TBC1D5: variants seen among roughly 807,000 people sequenced by gnomAD.
TBC1D5 encodes TBC1 domain family, member 5.
A neutral mutation model predicts 100.3 loss-of-function variants in TBC1D5; 75 were observed. The observed-to-expected ratio is 0.75, with a 90% CI of 0.62 to 0.91. The LOEUF (loss-of-function observed/expected upper bound fraction) is 0.91. Ranked by LOEUF, TBC1D5 falls within the 40% of genes least tolerant of loss-of-function variation. TBC1D5 has a pLI of 0.00. For missense variants in TBC1D5, 910 were observed against 942.4 expected (o/e 0.97, Z 0.45); for synonymous variants, 323 against 325.6 (o/e 0.99, Z 0.09).
rs150555666 is a variant in TBC1D5, at chr3:17,301,472, C to T, written c.1138+6520G>A. On this transcript the variant is annotated intron_variant, in intron 14 of 21. Transcript: ENST00000253692. ...CCACCCCTCCAAGGTCTCTATGGTACGTTCTGGCCTGGCATTACCCCAAGT... is the reference window on the plus strand; with the variant it reads ...CCACCCCTCCAAGGTCTCTATGGTATGTTCTGGCCTGGCATTACCCCAAGT... Among the ~76,000 whole-genome samples, 561 of 152,270 alleles carry T rather than the reference C, an allele frequency of 3.7e-3. 6 individuals carry two copies. Among genetic ancestry groups the T allele is most frequent in the African/African-American group, 0.012 (515 of 41,548 alleles).
intron 18 of TBC1D5, among the ~76,000 whole-genome samples, chr3:17,211,074 C>G (rs1406360379): frequency 1.3e-5 from 2 of 151,888 alleles, no homozygotes; most frequent in African/African-American, 4.8e-5. Context: ...TTGCTTTTTT[C>G]TGTTTTTGTC....
chr3:17,324,662 A>G (rs1480867245), intron 13 of TBC1D5, among the ~76,000 whole-genome samples: 2 of 152,152 alleles, frequency 1.3e-5, no homozygotes, highest in African/African-American at 4.8e-5. Flanking sequence ...ATGAAAATGA[A>G]AATACAAGCA....
At chr3:17,543,703 T>C (rs2096383084) in intron 2 of TBC1D5, among the ~76,000 whole-genome samples, 2 of 152,062 alleles carry the variant, frequency 1.3e-5, no homozygotes, top group South Asian at 4.1e-4. Flanking sequence ...TCTATAATTA[T>C]TTAAAGCAAT....
intron 1 of TBC1D5, among the ~76,000 whole-genome samples, chr3:17,686,978 T>C (rs1427982321): frequency 1.3e-5 from 2 of 152,126 alleles, no homozygotes; most frequent in East Asian, 1.9e-4. Flanking sequence ...TACAAAATAA[T>C]ATATATTTGG....
At chr3:17,590,650 C>T (rs533286484) in intron 2 of TBC1D5, among the ~76,000 whole-genome samples, 18 of 152,226 alleles carry the variant, frequency 1.2e-4, no homozygotes, top group Admixed American at 9.2e-4. Flanking sequence ...CAGTGGGAAC[C>T]GCAGTCACTC....
At chr3:17,594,830 T>C (rs181804753) in intron 2 of TBC1D5, among the ~76,000 whole-genome samples, 20 of 152,194 alleles carry the variant, frequency 1.3e-4, no homozygotes, top group Admixed American at 1.0e-3. Flanking sequence ...TGGGTTCCAA[T>C]TGACAAGGGG....
At chr3:17,725,478 A>C (rs1365742853) in intron 1 of TBC1D5, among the ~76,000 whole-genome samples, 1 of 151,586 alleles carries the variant, frequency 6.6e-6, no homozygotes, top group Non-Finnish European at 1.5e-5. Flanking sequence ...GTTCGCTCAT[A>C]CTCTACAGGC....
chr3:17,175,018 A>G (rs2067568333), intron 19 of TBC1D5, among the ~76,000 whole-genome samples: 1 of 152,224 alleles, frequency 6.6e-6, no homozygotes, highest in African/African-American at 2.4e-5. Context: ...TATTTCCCAG[A>G]TGAAGATTTA....
At chr3:17,732,720 A>AAATAAATAAATAAATAAATAAAT (rs1690942480) in intron 1 of TBC1D5, among the ~76,000 whole-genome samples, 12 of 144,876 alleles carry the variant, frequency 8.3e-5, no homozygotes, top group South Asian at 2.2e-4. Flanking sequence ...CCGTCTCAAA[A>AAATAAATAAATAAATAAATAAAT]AAATAAATAA....
At chr3:17,678,893 C>CA (rs2069060290) in intron 1 of TBC1D5, among the ~76,000 whole-genome samples, 1 of 149,368 alleles carries the variant, frequency 6.7e-6, no homozygotes, top group Admixed American at 6.7e-5. Context: ...AAGTGGTGGA[C>CA]AAAAAAAAGT....
intron 2 of TBC1D5, among the ~76,000 whole-genome samples, chr3:17,530,781 C>T (rs888108145): frequency 1.3e-5 from 2 of 152,160 alleles, no homozygotes; most frequent in East Asian, 3.9e-4. Flanking sequence ...CAAAATTCAA[C>T]AACCCTTCAT....
At chr3:17,160,167 T>C (rs1271647632) in exon 22 of TBC1D5, 1 of 152,250 alleles carries the variant, frequency 6.6e-6, no homozygotes. Flanking sequence ...AGTAATCTTG[T>C]TTTCTGGCTA....
At chr3:17,307,231 A>T (rs1009907454) in intron 14 of TBC1D5, among the ~76,000 whole-genome samples, 4 of 152,228 alleles carry the variant, frequency 2.6e-5, no homozygotes, top group Admixed American at 2.6e-4. Flanking sequence ...ACTTTATGTT[A>T]GCTACCTATT....
At chr3:17,608,125 C>T (rs758677150) in intron 2 of TBC1D5, among the ~76,000 whole-genome samples, 7 of 152,042 alleles carry the variant, frequency 4.6e-5, no homozygotes, top group African/African-American at 1.7e-4. Context: ...GGCATGGTGG[C>T]GCGTGCCTGT....
intron 5 of TBC1D5, among the ~76,000 whole-genome samples, chr3:17,405,801 T>A (rs1005306200): frequency 6.6e-6 from 1 of 152,112 alleles, no homozygotes; most frequent in East Asian, 1.9e-4. Context: ...AAACTTATGA[T>A]AGAATTCATT....
chr3:17,576,985 A>G (rs939459410), intron 2 of TBC1D5, among the ~76,000 whole-genome samples: 1 of 152,064 alleles, frequency 6.6e-6, no homozygotes, highest in African/African-American at 2.4e-5. Context: ...TCTCTGAACA[A>G]ATTTTCATTT....
chr3:17,454,082 TAAAC>T (rs1261580348), intron 3 of TBC1D5, among the ~76,000 whole-genome samples: 1 of 152,156 alleles, frequency 6.6e-6, no homozygotes, highest in African/African-American at 2.4e-5. Flanking sequence ...TCCTCCAGGA[TAAAC>T]GCCTTTAAAA....
intron 13 of TBC1D5, among the ~76,000 whole-genome samples, chr3:17,340,193 G>A (rs1161706221): frequency 6.6e-6 from 1 of 152,154 alleles, no homozygotes; most frequent in Non-Finnish European, 1.5e-5. Context: ...TCCATTTCAT[G>A]TTTGGGTCCC....
intron 1 of TBC1D5, among the ~76,000 whole-genome samples, chr3:17,699,075 T>C (rs1450409780): frequency 6.6e-6 from 1 of 151,464 alleles, no homozygotes; most frequent in Non-Finnish European, 1.5e-5. Flanking sequence ...ATCATGCTGC[T>C]ATAAAGACAC....
Sources: gnomAD v4.1 joint callset for allele counts (sites outside exome capture counted in the v4.1 genomes callset) on GRCh38, gnomAD v4.1.1 for gene constraint, MANE v1.5 for transcripts, NCBI Gene and HGNC (gene_info 2026-07-23, HGNC 2026-07-21) for gene names.